Variants in ZNF385C observed in about 807,000 individuals in gnomAD.
ZNF385C encodes the protein zinc finger protein 385C, also known as CTD-2132N18.2.
ZNF385C carries 28 observed loss-of-function variants against 35.4 expected under a neutral mutation model. The ratio of observed to expected loss-of-function variants is 0.79; its 90% CI spans 0.59 to 1.08. The LOEUF (loss-of-function observed/expected upper bound fraction) is 1.08. ZNF385C is among the 50% of genes least tolerant of loss of function. The probability of loss-of-function intolerance (pLI) is 0.00; values close to 1 mark genes in which losing one functional copy is unlikely to be tolerated. For synonymous variants in ZNF385C, 248 were observed against 248.2 expected, an observed-to-expected ratio of 1.00 and a Z score of 0.01; for missense variants, 605 against 595.6, an observed-to-expected ratio of 1.02 and a Z score of -0.16.
chr17:42,029,746 G>C (rs2052685202), intron 5 of ZNF385C, among the ~76,000 whole-genome samples: 2 of 151,224 alleles, frequency 1.3e-5, no homozygotes, highest in South Asian at 2.1e-4. Flanking sequence ...AAAACACAGT[G>C]GTATGGGCCA....
chr17:42,048,097 C>T (rs73309779), intron 2 of ZNF385C, among the ~76,000 whole-genome samples: 8 of 152,132 alleles, frequency 5.3e-5, no homozygotes, highest in Non-Finnish European at 1.0e-4. Context: ...CTCCTCCCCC[C>T]CTTCCCAACT....
intron 2 of ZNF385C, among the ~76,000 whole-genome samples, chr17:42,048,455 G>A (rs1421317002): frequency 6.6e-6 from 1 of 152,018 alleles, no homozygotes; most frequent in South Asian, 2.1e-4. Context: ...TGAGGCAGGA[G>A]GATCACTTGA....
intron 1 of ZNF385C, among the ~76,000 whole-genome samples, chr17:42,084,663 T>C (rs2053786703): frequency 6.6e-6 from 1 of 152,142 alleles, no homozygotes; most frequent in South Asian, 2.1e-4. Context: ...CAGGCTAGAG[T>C]ACAGTGGTAT....
At chr17:42,032,485 G>A (rs1211362825) in intron 4 of ZNF385C, among the ~76,000 whole-genome samples, 10 of 152,196 alleles carry the variant, frequency 6.6e-5, no homozygotes, top group Non-Finnish European at 1.3e-4. Flanking sequence ...TACAAGGGCC[G>A]AGTACATAGA....
At chr17:42,068,984 A>G (rs1387494095) in intron 1 of ZNF385C, among the ~76,000 whole-genome samples, 1 of 152,132 alleles carries the variant, frequency 6.6e-6, no homozygotes, top group Admixed American at 6.5e-5. Flanking sequence ...GCCAGAGCCA[A>G]AGAGGTGGGG....
At chr17:42,029,941 G>A (rs1408589891) in intron 5 of ZNF385C, among the ~76,000 whole-genome samples, 1 of 151,228 alleles carries the variant, frequency 6.6e-6, no homozygotes, top group Admixed American at 6.6e-5. Context: ...GGCTGAGGCA[G>A]GAGAATCGCT....
chr17:42,083,790 A>C (rs1178870762), intron 1 of ZNF385C, among the ~76,000 whole-genome samples: 1 of 125,464 alleles, frequency 8.0e-6, no homozygotes. Flanking sequence ...GCGATCTCAG[A>C]TCACTGCAAC....
At chr17:42,078,440 T>C (rs564174026) in intron 1 of ZNF385C, among the ~76,000 whole-genome samples, 40 of 76,306 alleles carry the variant, frequency 5.2e-4, no homozygotes, top group African/African-American at 1.9e-3. Flanking sequence ...AACACTCAGA[T>C]CCTTCCCAGT....
intron 1 of ZNF385C, among the ~76,000 whole-genome samples, chr17:42,097,804 G>T (rs1314200866): frequency 6.6e-6 from 1 of 152,182 alleles, no homozygotes; most frequent in Non-Finnish European, 1.5e-5. Context: ...CCGGCTCTGT[G>T]ACACAGACAC....
At chr17:42,097,107 G>A (rs782610915) in intron 1 of ZNF385C, among the ~76,000 whole-genome samples, 14 of 152,004 alleles carry the variant, frequency 9.2e-5, no homozygotes, top group Non-Finnish European at 1.8e-4. Flanking sequence ...TCCAGGCACT[G>A]TGCTAAGCGC....
intron 2 of ZNF385C, chr17:42,040,293 G>GGAGTAACC (rs1250239372): frequency 6.3e-5 from 78 of 1,231,560 alleles, no homozygotes; most frequent in Non-Finnish European, 7.8e-5. Flanking sequence ...CCGCAGCCTC[G>GGAGTAACC]GAGTAACCGA....
At chr17:42,070,322 C>T (rs928523902) in intron 1 of ZNF385C, among the ~76,000 whole-genome samples, 37 of 152,192 alleles carry the variant, frequency 2.4e-4, no homozygotes, top group Admixed American at 7.2e-4. Flanking sequence ...CCAGCCTGTG[C>T]GACAGAGCGA....
intron 1 of ZNF385C, among the ~76,000 whole-genome samples, chr17:42,089,532 C>T (rs774684524): frequency 6.7e-4 from 102 of 152,146 alleles, no homozygotes; most frequent in Non-Finnish European, 1.2e-3. Context: ...ATACAACTCT[C>T]CACCTAAAAA....
chr17:42,089,467 C>T (rs183401448), intron 1 of ZNF385C, among the ~76,000 whole-genome samples: 35 of 152,262 alleles, frequency 2.3e-4, no homozygotes, highest in African/African-American at 8.4e-4. Flanking sequence ...CCAAGCCCTT[C>T]TCTCCCAGTC....
chr17:42,030,131 G>A (rs937317028), intron 5 of ZNF385C, among the ~76,000 whole-genome samples: 3 of 152,026 alleles, frequency 2.0e-5, no homozygotes, highest in Non-Finnish European at 2.9e-5. Context: ...ACAGCTACAC[G>A]CAAAAACATG....
intron 1 of ZNF385C, among the ~76,000 whole-genome samples, chr17:42,081,596 C>T (rs1325018585): frequency 1.3e-5 from 2 of 152,094 alleles, no homozygotes; most frequent in Non-Finnish European, 2.9e-5. Flanking sequence ...AGGCTGGTCT[C>T]GAACTCCTGA....
At chr17:42,074,394 A>AT (rs112306488) in intron 1 of ZNF385C, among the ~76,000 whole-genome samples, 20,090 of 145,854 alleles carry the variant, frequency 0.14, 1,992 homozygotes, top group African/African-American at 0.27. Context: ...GTTACTAAAG[A>AT]TTTTTTTTTT....
Position 42,031,727 on chromosome 17 carries a change from C to T in ZNF385C, c.568G>A (p.Glu190Lys), listed in dbSNP as rs558854275. 1.0e-5 allele frequency: 16 copies of T among 1,550,788 alleles called. No individual in the cohort carries two copies. The highest frequency in any genetic ancestry group is 3.6e-5 in the South Asian group (3 of 84,058). The change falls in exon 5 of 9, where the codon GAG becomes AAG. Residue 190 changes from glutamate (E) to lysine (K), a missense_variant. Coordinates refer to ENST00000692273, the MANE Select transcript of ZNF385C (RefSeq NM_001392013.1). ...GGCCTCTGCTTGCTCTTGGCAGCCT[C>T]GACAGCCTTGAGTTTTCTGGCGTGT... ...HKHARKLKAV[E>K]AAKSKQRPHT...
intron 4 of ZNF385C, 56 bp from the exon 5 acceptor site, chr17:42,031,840 C>A (rs915568986): frequency 4.6e-6 from 7 of 1,530,326 alleles, no homozygotes; most frequent in African/African-American, 2.8e-5. Context: ...CATGCCCCAT[C>A]TGTGAACTGG....
Sources: allele counts gnomAD v4.1 joint callset (sites outside exome capture counted in the v4.1 genomes callset), GRCh38; gene constraint gnomAD v4.1.1; transcripts MANE v1.5; gene names NCBI Gene and HGNC (gene_info 2026-07-23, HGNC 2026-07-21).